The following KCTD1 variants were observed in gnomAD, a reference collection of about 807,000 sequenced individuals.
KCTD1 encodes the protein BTB/POZ domain-containing protein KCTD1.
A neutral mutation model predicts 66.0 loss-of-function variants in KCTD1; 24 were observed. The ratio of observed to expected loss-of-function variants is 0.36; its 90% CI spans 0.26 to 0.51. KCTD1 has a LOEUF of 0.51. Ranked by LOEUF, KCTD1 falls within the 20% of genes least tolerant of loss-of-function variation. The pLI is 0.95. For missense variants in KCTD1, 943 were observed against 1,205.2 expected (o/e 0.78, Z 3.22); for synonymous variants, 511 against 517.2 (o/e 0.99, Z 0.16).
chr18:26,561,873 C>T (rs1242218848), intron 1 of KCTD1, among the ~76,000 whole-genome samples: 3 of 152,172 alleles, frequency 2.0e-5, no homozygotes, highest in Admixed American at 6.5e-5. Context: ...CCCGTGCTGG[C>T]GTGAGCACCT....
At chr18:26,496,646 T>G (rs1567968091) in intron 2 of KCTD1, among the ~76,000 whole-genome samples, 1 of 152,010 alleles carries the variant, frequency 6.6e-6, no homozygotes, top group African/African-American at 2.4e-5. Context: ...ATGATGGAGA[T>G]GAATGAACAA....
intron 2 of KCTD1, among the ~76,000 whole-genome samples, chr18:26,493,912 T>C (rs1207894649): frequency 6.6e-6 from 1 of 152,198 alleles, no homozygotes; most frequent in Non-Finnish European, 1.5e-5. Flanking sequence ...CCAACCTAAA[T>C]ATTTTTCTTA....
At chr18:26,471,728 C>G (rs1157574563) in intron 3 of KCTD1, among the ~76,000 whole-genome samples, 1 of 152,168 alleles carries the variant, frequency 6.6e-6, no homozygotes, top group Non-Finnish European at 1.5e-5. Context: ...CTGGGTAACA[C>G]AGCATCTCTA....
intron 1 of KCTD1, among the ~76,000 whole-genome samples, chr18:26,558,802 A>G (rs1000246515): frequency 1.3e-5 from 2 of 152,146 alleles, no homozygotes; most frequent in East Asian, 3.9e-4. Context: ...ACGCACCTGT[A>G]GTCCCAGCTA....
chr18:26,550,625 C>G (rs901098500), upstream of KCTD1, among the ~76,000 whole-genome samples: 2 of 151,114 alleles, frequency 1.3e-5, no homozygotes, highest in South Asian at 4.2e-4. The surrounding 1 kb of genome is among the most constrained non-coding windows in gnomAD (Gnocchi z 5.4). Context: ...ATCCGCCCGG[C>G]TCTCCGCGGA....
In KCTD1 at chr18:26,476,501, C is replaced by T. The variant is rs759544479; in HGVS notation, c.2133+14G>A. On this transcript the variant is annotated intron_variant, in intron 3 of 4. Coordinates refer to ENST00000580059, the MANE Select transcript of KCTD1 (RefSeq NM_001142730.3). This position sits in a 1 kb window ranked among gnomAD's most constrained non-coding sequence, Gnocchi z 4.9. ...CATATTTATGCTATTGGTGATTTAACATGGATCCCTCACCTTGAAATCATC... is the reference window on the plus strand; with the variant it reads ...CATATTTATGCTATTGGTGATTTAATATGGATCCCTCACCTTGAAATCATC... 3 of 1,597,910 alleles carry T rather than the reference C, an allele frequency of 1.9e-6. No individual in the cohort carries two copies. Among genetic ancestry groups the T allele is most frequent in the Non-Finnish European group, 2.6e-6 (3 of 1,175,722 alleles).
rs752123278 is a variant in KCTD1 at position 26,547,408 on chromosome 18, G to A, written c.1129C>T (p.Arg377Cys). ...AACTCGGTGCCCGTCTCATACATGC[G>A]GGGCAAGTTCTCCTCGTCGCTGCTC... ...AESSDEENLP[R>C]MYETGTEFCP... The change falls in exon 1 of 5, where the codon CGC (arginine) becomes TGC (cysteine). Residue 377 changes from arginine (R) to cysteine (C), a missense_variant. Physicochemically the swap from Arg to Cys is radical, Grantham distance 180. Transcript: ENST00000580059. The A allele has an allele frequency of 7.7e-6, 12 of 1,551,110 alleles. No homozygotes were observed. The African/African-American group carries it at 1.6e-4, about 21-fold the overall frequency.
chr18:26,512,701 C>T (rs1983398710), intron 1 of KCTD1, among the ~76,000 whole-genome samples: 1 of 151,982 alleles, frequency 6.6e-6, no homozygotes, highest in Non-Finnish European at 1.5e-5. Context: ...AATTTTTTGG[C>T]CGCATGAGGT....
At chr18:26,589,959 AG>A (rs1255712396) in intron 1 of KCTD1, among the ~76,000 whole-genome samples, 1 of 152,254 alleles carries the variant, frequency 6.6e-6, no homozygotes. Context: ...TGTGAGCACA[AG>A]GGGAGTCGAT....
At chr18:26,493,439 T>G (rs768672096) in intron 2 of KCTD1, among the ~76,000 whole-genome samples, 1 of 152,226 alleles carries the variant, frequency 6.6e-6, no homozygotes, top group Admixed American at 6.5e-5. Context: ...AAATTAGTTT[T>G]AATATAAGGA....
intron 1 of KCTD1, among the ~76,000 whole-genome samples, chr18:26,651,473 A>C (rs1054497681): frequency 6.6e-6 from 1 of 152,154 alleles, no homozygotes; most frequent in African/African-American, 2.4e-5. Context: ...CTGATGGAAG[A>C]GTCTGAGATC....
At chr18:26,549,563 C>T (rs1985461778), upstream of KCTD1, 1 of 781,768 alleles carries the variant, frequency 1.3e-6, no homozygotes. Flanking sequence ...CGCCGCCCTC[C>T]CTGCCCCTGA....
chr18:26,464,332 C>A (rs935111832), intron 3 of KCTD1, among the ~76,000 whole-genome samples: 3 of 152,210 alleles, frequency 2.0e-5, no homozygotes, highest in African/African-American at 7.2e-5. Flanking sequence ...TCTCTCATCC[C>A]ATCTTCTCTA....
intron 1 of KCTD1, among the ~76,000 whole-genome samples, chr18:26,591,868 A>C (rs909641434): frequency 6.6e-6 from 1 of 152,258 alleles, no homozygotes; most frequent in Non-Finnish European, 1.5e-5. Context: ...CAGGACTGTT[A>C]GACATGGAAG....
At chr18:26,540,241 A>G (rs1359708532) in intron 1 of KCTD1, among the ~76,000 whole-genome samples, 1 of 152,228 alleles carries the variant, frequency 6.6e-6, no homozygotes, top group Non-Finnish European at 1.5e-5. Flanking sequence ...CAAAGGAAGC[A>G]ACATCTGTCT....
At chr18:26,623,023 T>C (rs1987422029) in intron 1 of KCTD1, among the ~76,000 whole-genome samples, 1 of 152,220 alleles carries the variant, frequency 6.6e-6, no homozygotes, top group Non-Finnish European at 1.5e-5. Context: ...TTAATATGTG[T>C]TGAACATCTT....
At chr18:26,557,964 A>G (rs1985747007) in intron 1 of KCTD1, among the ~76,000 whole-genome samples, 1 of 152,232 alleles carries the variant, frequency 6.6e-6, no homozygotes, top group East Asian at 1.9e-4. Context: ...GTCTTGCCAC[A>G]GTCTAATTTC....
chr18:26,593,879 A>C (rs1217204338), intron 1 of KCTD1, among the ~76,000 whole-genome samples: 2 of 107,828 alleles, frequency 1.9e-5, no homozygotes, highest in East Asian at 6.0e-4. Flanking sequence ...AGGAAGAGGA[A>C]GATAAGGAGG....
intron 1 of KCTD1, among the ~76,000 whole-genome samples, chr18:26,595,159 G>T (rs1386095274): frequency 6.6e-6 from 1 of 152,026 alleles, no homozygotes; most frequent in African/African-American, 2.4e-5. Context: ...CTAAATTTAG[G>T]GCTTGATGAA....
Sources: allele counts gnomAD v4.1 joint callset (sites outside exome capture counted in the v4.1 genomes callset), GRCh38; gene constraint gnomAD v4.1.1; non-coding constraint Gnocchi (gnomAD v3.1); transcripts MANE v1.5; gene names NCBI Gene and HGNC (gene_info 2026-07-23, HGNC 2026-07-21).